Variants in YLPM1 observed in about 807,000 individuals in gnomAD.
YLPM1 encodes the protein YLP motif-containing protein 1.
Under a neutral mutation model 230.0 loss-of-function variants are expected in YLPM1, and 99 were observed. The ratio of observed to expected loss-of-function variants is 0.43; its 90% CI spans 0.37 to 0.51. YLPM1 has a LOEUF of 0.51. Among genes scored for constraint, YLPM1 ranks in the 20% least tolerant of loss-of-function variants. The pLI, the probability that YLPM1 is intolerant of heterozygous loss-of-function variation, is 0.00. For synonymous variants in YLPM1, 984 were observed against 942.5 expected (o/e 1.04, Z -0.81); for missense variants, 2,592 against 2,707.7 (o/e 0.96, Z 0.95).
At chr14:74,791,369 A>G (rs1406364155) in intron 4 of YLPM1, among the ~76,000 whole-genome samples, 1 of 152,242 alleles carries the variant, frequency 6.6e-6, no homozygotes. Flanking sequence ...GGCCCCCAGA[A>G]TGAAAATAAA....
chr14:74,777,367 A>C (rs1466163332), intron 1 of YLPM1, among the ~76,000 whole-genome samples: 1 of 151,610 alleles, frequency 6.6e-6, no homozygotes, highest in Non-Finnish European at 1.5e-5. Flanking sequence ...GGAGTTCGAG[A>C]CCAGCCTGGC....
chr14:74,766,224 A>G (rs966867629), intron 1 of YLPM1, among the ~76,000 whole-genome samples: 1 of 152,168 alleles, frequency 6.6e-6, no homozygotes, highest in African/African-American at 2.4e-5. Flanking sequence ...CATGTTCTAG[A>G]CTTAGGATAT....
chr14:74,818,453 A>C (rs984414921), intron 16 of YLPM1, 139 bp downstream of exon 16: 2 of 588,282 alleles, frequency 3.4e-6, no homozygotes, highest in Non-Finnish European at 5.5e-6. Flanking sequence ...TTTCATTGAG[A>C]TCACGGTTAG....
chr14:74,824,977 A>G (rs188238839), intron 18 of YLPM1, among the ~76,000 whole-genome samples: 1 of 152,276 alleles, frequency 6.6e-6, no homozygotes, highest in Admixed American at 6.5e-5. Context: ...TGAAAACTGC[A>G]AAATATTTTT....
chr14:74,794,190 C>CT (rs368927266), intron 4 of YLPM1, among the ~76,000 whole-genome samples: 1,786 of 149,412 alleles, frequency 0.012, 23 homozygotes, highest in African/African-American at 0.032. Flanking sequence ...CTTTCTCTCT[C>CT]TTTTTTTTTT....
In YLPM1 at chr14:74,799,464, T is replaced by C. The variant is rs2140111899; in HGVS notation, c.4167T>C (p.Tyr1389=). ...ATACATGGCGGGAAAAGCGAGATTA[T>C]GTTCCTGACAGAATGGACTGGGAAA... ...RGDTWREKRD[Y]VPDRMDWERE... The change falls in exon 5 of 21, where the codon TAT becomes TAC. Residue 1389 remains tyrosine, a synonymous_variant. Transcript: ENST00000325680. The C allele has an allele frequency of 6.2e-7, 1 of 1,613,996 alleles. No individual in the cohort carries two copies. The highest frequency in any genetic ancestry group is 1.7e-5 in the Admixed American group (1 of 60,034).
At chr14:74,766,866 C>A (rs2090916730) in intron 1 of YLPM1, among the ~76,000 whole-genome samples, 2 of 150,246 alleles carry the variant, frequency 1.3e-5, no homozygotes, top group Non-Finnish European at 3.0e-5. Context: ...CAAAACAAAA[C>A]AAAACCAAGA....
rs1192334968 is a variant in YLPM1, at chr14:74,763,662, T to G, written c.173T>G (p.Leu58Trp). The G allele has an allele frequency of 6.3e-7, 1 of 1,585,612 alleles. No individual in the cohort carries two copies. Among genetic ancestry groups the G allele is most frequent in the Non-Finnish European group, 8.6e-7 (1 of 1,163,820 alleles). ...TTCATGAGCTTCCGCGAACAGCACT[T>G]GGCGCAGCTCCAGCAGCTGCAGCAG... ...SGFMSFREQH[L>W]AQLQQLQQMH... Residue 58 changes from leucine to tryptophan, a missense_variant, in exon 1 of 21, where the codon TTG becomes TGG. Coordinates refer to ENST00000325680, the MANE Select transcript of YLPM1 (RefSeq NM_019589.3).
At chr14:74,785,476 C>T (rs1188661851) in intron 4 of YLPM1, among the ~76,000 whole-genome samples, 4 of 152,176 alleles carry the variant, frequency 2.6e-5, no homozygotes, top group African/African-American at 7.2e-5. Flanking sequence ...TAGTTTGGGA[C>T]TGTTACCCAG....
rs781020930 is a variant in YLPM1 at position 74,798,705 on chromosome 14, C to G, written c.3408C>G (p.Pro1136=). 1.2e-6 allele frequency: 2 copies of G among 1,611,832 alleles called. No homozygotes were observed. Among genetic ancestry groups the G allele is most frequent in the South Asian group, 1.1e-5 (1 of 90,876 alleles). ...RRAGSRERIP[P]RRAGSRERGP... is the part of the protein sequence containing the mutation. ...CTGGGAGTAGAGAGAGAATACCACC[C>G]CGAAGAGCTGGGAGCAGGGAGAGAG... Residue 1136 remains proline, a synonymous_variant, in exon 5 of 21, where the codon CCC becomes CCG. Coordinates refer to ENST00000325680, the MANE Select transcript of YLPM1 (RefSeq NM_019589.3).
chr14:74,822,698 A>C (rs983289417), intron 17 of YLPM1, among the ~76,000 whole-genome samples: 2 of 152,178 alleles, frequency 1.3e-5, no homozygotes, highest in African/African-American at 4.8e-5. Context: ...AGAGTAAAAG[A>C]TTCTTGGAGA....
chr14:74,816,127 C>G, intron 11 of YLPM1, 76 bp from the exon 12 acceptor site: 1 of 1,337,386 alleles, frequency 7.5e-7, no homozygotes, highest in South Asian at 1.3e-5. Flanking sequence ...AATGGTAGGT[C>G]ATTGTTAACT....
At chr14:74,824,725 A>C (rs1008239370) in intron 18 of YLPM1, among the ~76,000 whole-genome samples, 7 of 152,050 alleles carry the variant, frequency 4.6e-5, no homozygotes, top group Admixed American at 4.6e-4. Flanking sequence ...AAAGGCATTT[A>C]TTCTCCTTGT....
At position 74,797,576 on chromosome 14, in the gene YLPM1, G is replaced by T; in HGVS notation, c.2283-4G>T. ...TTGAGTAATATCTTTTGTTTTACTT[G>T]TAGATTTGATGGTCCTCGAAGATTT... On this transcript the variant is annotated splice_polypyrimidine_tract_variant and splice_region_variant and intron_variant, in intron 4 of 20. Coordinates refer to ENST00000325680, the MANE Select transcript of YLPM1 (RefSeq NM_019589.3). 6.9e-7 allele frequency: 1 copy of T among 1,454,854 alleles called. No individual in the cohort carries two copies. Among genetic ancestry groups the T allele is most frequent in the Non-Finnish European group, 9.1e-7 (1 of 1,100,844 alleles). The allele number at this position is 1,454,854 out of a possible 1,614,324, so 90.1% of individuals were successfully genotyped here. A position where few individuals can be genotyped will look rare whatever the true frequency, so the allele number is the denominator to read the frequency against.
intron 17 of YLPM1, 153 bp downstream of exon 17, chr14:74,821,290 CT>C (rs1217302284): frequency 8.6e-7 from 1 of 1,163,536 alleles, no homozygotes; most frequent in Non-Finnish European, 1.1e-6. Flanking sequence ...TTTGGATACT[CT>C]TTATTTTTCC....
At chr14:74,835,105 A>T in intron 19 of YLPM1, 160 bp from the exon 20 acceptor site, 5 of 897,848 alleles carry the variant, frequency 5.6e-6, no homozygotes, top group Non-Finnish European at 8.1e-6. Context: ...TTTGTGACTT[A>T]AAATATATGG....
chr14:74,782,465 A>G (rs1484752562), intron 4 of YLPM1, 140 bp downstream of exon 4: 4 of 1,029,524 alleles, frequency 3.9e-6, no homozygotes, highest in South Asian at 5.5e-5. Flanking sequence ...TTGTTAAGAC[A>G]TCACGTATGT....
intron 9 of YLPM1, 32 bp from the exon 10 acceptor site, chr14:74,811,588 T>G: frequency 6.5e-7 from 1 of 1,538,690 alleles, no homozygotes; most frequent in Non-Finnish European, 8.9e-7. Context: ...ATATTTTTTA[T>G]TTGCTGAAGC....
chr14:74,769,139 G>A (rs564835277), intron 1 of YLPM1, among the ~76,000 whole-genome samples: 2 of 150,960 alleles, frequency 1.3e-5, no homozygotes, highest in African/African-American at 4.8e-5. Flanking sequence ...GCAGTGGCGC[G>A]ATCTCGGCTC....
Sources: allele counts gnomAD v4.1 joint callset (sites outside exome capture counted in the v4.1 genomes callset), GRCh38; gene constraint gnomAD v4.1.1; transcripts MANE v1.5; gene names NCBI Gene and HGNC (gene_info 2026-07-23, HGNC 2026-07-21).